PPIG: variants seen among roughly 807,000 people sequenced by gnomAD.
The protein encoded by PPIG is peptidyl-prolyl cis-trans isomerase G.
A neutral mutation model predicts 87.9 loss-of-function variants in PPIG; 26 were observed. The ratio of observed to expected loss-of-function variants is 0.30; its 90% CI spans 0.22 to 0.41. The LOEUF (loss-of-function observed/expected upper bound fraction) is 0.41, where lower values mean the gene tolerates loss of function less well. PPIG is among the 10% of genes least tolerant of loss of function. The probability of loss-of-function intolerance (pLI) is 1.00; values close to 1 mark genes in which losing one functional copy is unlikely to be tolerated. For missense variants in PPIG, 722 were observed against 879.4 expected, an observed-to-expected ratio of 0.82 and a Z score of 2.26; for synonymous variants, 308 against 276.5, an observed-to-expected ratio of 1.11 and a Z score of -1.13.
At chr2:169,614,219 A>C (rs893254051) in intron 7 of PPIG, among the ~76,000 whole-genome samples, 5 of 152,230 alleles carry the variant, frequency 3.3e-5, no homozygotes, top group African/African-American at 1.2e-4. Flanking sequence ...GTTACATAAA[A>C]GTTTTCAGCA....
At chr2:169,598,450 C>G (rs2105480039) in intron 1 of PPIG, among the ~76,000 whole-genome samples, 1 of 152,120 alleles carries the variant, frequency 6.6e-6, no homozygotes, top group East Asian at 1.9e-4. Context: ...GCCACCACAC[C>G]CGGCTAATTT....
At chr2:169,623,754 A>T (rs563977705) in intron 9 of PPIG, among the ~76,000 whole-genome samples, 1 of 152,306 alleles carries the variant, frequency 6.6e-6, no homozygotes, top group East Asian at 1.9e-4. Flanking sequence ...AGGAGATGCA[A>T]CCCATAATGT....
intron 9 of PPIG, among the ~76,000 whole-genome samples, chr2:169,622,194 A>T (rs915742694): frequency 2.6e-5 from 4 of 152,050 alleles, no homozygotes; most frequent in African/African-American, 7.2e-5. Context: ...GCCGAGGTGG[A>T]CGGATCACTT....
At chr2:169,615,377 T>C (rs1281067277) in intron 9 of PPIG, among the ~76,000 whole-genome samples, 1 of 152,220 alleles carries the variant, frequency 6.6e-6, no homozygotes, top group East Asian at 1.9e-4. Flanking sequence ...TACATTGTTA[T>C]TAGCTATAGT....
rs1177569337 is a variant in PPIG at position 169,640,631 on chromosome 2, T to C, written c.*3108T>C. Reference sequence around the variant, plus strand: ...TCTTCTGTTTCCTTTTGATTATGTTTACTGTAATTATTTCATTTTGGATTT... The same window carrying C: ...TCTTCTGTTTCCTTTTGATTATGTTCACTGTAATTATTTCATTTTGGATTT... On this transcript the variant is annotated 3_prime_UTR_variant, in exon 14 of 14. Transcript: ENST00000260970. 1 of 152,202 alleles carries C rather than the reference T, an allele frequency of 6.6e-6. No individual in the cohort carries two copies. The allele number at this position is 152,202 out of a possible 1,614,324, so 9.4% of individuals were successfully genotyped here.
intron 9 of PPIG, among the ~76,000 whole-genome samples, chr2:169,625,481 A>G (rs1197186097): frequency 1.3e-5 from 2 of 152,158 alleles, no homozygotes; most frequent in Admixed American, 6.5e-5. Flanking sequence ...AAAACTACGT[A>G]TTATTGTAAA....
rs1287066083 is a variant in PPIG at position 169,636,561 on chromosome 2, G to C, written c.1303G>C (p.Glu435Gln). ...KVKDHKSNSK[E>Q]RDIRRNSEKD... ...TAAAGACCATAAATCTAACAGCAAA[G>C]AGAGAGACATCAGAAGAAATTCAGA... The change falls in exon 14 of 14, where the codon GAG becomes CAG. Residue 435 changes from glutamate (E) to glutamine (Q), a missense_variant. Glu to Gln is a conservative substitution (Grantham distance 29, BLOSUM62 2). Around this residue, in one of 4 missense-constraint regions of PPIG, gnomAD observed 476 missense variants for 483.1 expected, o/e 0.99. Transcript: ENST00000260970. 1.2e-6 allele frequency: 2 copies of C among 1,604,222 alleles called. No homozygotes were observed. Among genetic ancestry groups the C allele is most frequent in the East Asian group, 4.5e-5 (2 of 44,772 alleles).
intron 12 of PPIG, among the ~76,000 whole-genome samples, chr2:169,634,339 G>A (rs1378933792): frequency 6.6e-5 from 10 of 152,112 alleles, no homozygotes; most frequent in African/African-American, 2.4e-4. Context: ...TAGAATTACA[G>A]GCGTGAGCCA....
intron 9 of PPIG, among the ~76,000 whole-genome samples, chr2:169,615,666 T>C (rs914864054): frequency 5.3e-5 from 8 of 152,182 alleles, no homozygotes; most frequent in African/African-American, 1.7e-4. Context: ...CCATTGTGTA[T>C]ATAAACCACA....
chr2:169,627,623 C>CT (rs1685925904), intron 9 of PPIG, among the ~76,000 whole-genome samples: 1 of 150,086 alleles, frequency 6.7e-6, no homozygotes, highest in South Asian at 2.1e-4. Context: ...ACCTCCCAGG[C>CT]TTAAGTGATT....
At chr2:169,632,277 A>G (rs1368366836) in intron 11 of PPIG, among the ~76,000 whole-genome samples, 2 of 152,236 alleles carry the variant, frequency 1.3e-5, no homozygotes, top group African/African-American at 4.8e-5. Flanking sequence ...TTAAGCAAGT[A>G]AGAATCTTGG....
At chr2:169,590,749 C>G (rs896689910) in intron 1 of PPIG, among the ~76,000 whole-genome samples, 10 of 152,136 alleles carry the variant, frequency 6.6e-5, no homozygotes, top group East Asian at 1.9e-4. Context: ...AAAGGACACA[C>G]GGGAATCAGT....
At chr2:169,628,938 C>CA (rs1685964722) in intron 9 of PPIG, among the ~76,000 whole-genome samples, 2 of 37,056 alleles carry the variant, frequency 5.4e-5, no homozygotes, top group Non-Finnish European at 9.1e-5. Context: ...GACCCTGTCT[C>CA]CAAAAAAAAA....
At chr2:169,608,859 G>T in intron 7 of PPIG, 101 bp downstream of exon 7, 1 of 677,548 alleles carries the variant, frequency 1.5e-6, no homozygotes, top group Non-Finnish European at 2.5e-6. Context: ...GAGGCGGGCG[G>T]ATCACGAGGT....
intron 12 of PPIG, chr2:169,633,449 A>G (rs1473532869): frequency 1.7e-6 from 1 of 596,218 alleles, no homozygotes; most frequent in African/African-American, 1.9e-5. Flanking sequence ...ATATGAATAG[A>G]TTTTACATTT....
chr2:169,631,606 G>C (rs1331062708), intron 10 of PPIG, 160 bp from the exon 11 acceptor site: 2 of 1,410,016 alleles, frequency 1.4e-6, no homozygotes, highest in East Asian at 2.8e-5. Flanking sequence ...TAGTTGGTTT[G>C]TCAGAGGAAT....
At chr2:169,591,224 T>C (rs553410076) in intron 1 of PPIG, among the ~76,000 whole-genome samples, 1 of 152,352 alleles carries the variant, frequency 6.6e-6, no homozygotes, top group East Asian at 1.9e-4. Context: ...TTAGGATTAA[T>C]ATGGAAAATA....
chr2:169,615,763 G>A (rs888686551), intron 9 of PPIG, among the ~76,000 whole-genome samples: 2 of 152,176 alleles, frequency 1.3e-5, no homozygotes, highest in Non-Finnish European at 2.9e-5. Flanking sequence ...GAACATGAGA[G>A]TGAGATATCT....
chr2:169,594,334 A>T (rs1574436687), intron 1 of PPIG, among the ~76,000 whole-genome samples: 1 of 151,624 alleles, frequency 6.6e-6, no homozygotes, highest in Non-Finnish European at 1.5e-5. Context: ...CAAAAAAAAA[A>T]AAACGCATTT....
Sources: gnomAD v4.1 joint callset for allele counts (sites outside exome capture counted in the v4.1 genomes callset) on GRCh38, gnomAD v4.1.1 for gene constraint, gnomAD v4.1.1 regional missense constraint, MANE v1.5 for transcripts, NCBI Gene and HGNC (gene_info 2026-07-23, HGNC 2026-07-21) for gene names.